GFRA1: variants seen among roughly 807,000 people sequenced by gnomAD.
The protein encoded by GFRA1 is GDNF family receptor alpha 1.
A neutral mutation model predicts 51.6 loss-of-function variants in GFRA1; 16 were observed. The ratio of observed to expected loss-of-function variants is 0.31; its 90% confidence interval spans 0.21 to 0.47. The LOEUF (loss-of-function observed/expected upper bound fraction) is 0.47, where lower values mean the gene tolerates loss of function less well. GFRA1 is among the 20% of genes least tolerant of loss of function. GFRA1 has a pLI of 1.00. For missense variants in GFRA1, 530 were observed against 594.3 expected (o/e 0.89, Z 1.13); for synonymous variants, 270 against 241.3 (o/e 1.12, Z -1.10).
At chr10:116,196,855 T>TC (rs1179792045) in intron 5 of GFRA1, among the ~76,000 whole-genome samples, 5 of 141,832 alleles carry the variant, frequency 3.5e-5, no homozygotes, top group South Asian at 2.2e-4. Context: ...ATATTTTTTT[T>TC]CCCTCCCACA....
At chr10:116,149,408 G>A (rs1958970242) in intron 5 of GFRA1, among the ~76,000 whole-genome samples, 1 of 152,136 alleles carries the variant, frequency 6.6e-6, no homozygotes, top group African/African-American at 2.4e-5. Context: ...ATACAATTTG[G>A]ATTTGCATTT....
chr10:116,248,767 A>G (rs1020252330), intron 4 of GFRA1, among the ~76,000 whole-genome samples: 1 of 152,192 alleles, frequency 6.6e-6, no homozygotes, highest in African/African-American at 2.4e-5. Flanking sequence ...TTTGAAAAGC[A>G]GCGAATTAAA....
chr10:116,205,335 T>G (rs184735495), intron 5 of GFRA1, among the ~76,000 whole-genome samples: 300 of 152,156 alleles, frequency 2.0e-3, no homozygotes, highest in African/African-American at 6.9e-3. Context: ...CCCAACACTT[T>G]AGGAGGCCAA....
Position 116,058,400 on chromosome 10 carries a change from C to T in GFRA1, c.*5998G>A, listed in dbSNP as rs1954653762. ...GGCCGGTACCTGACAGCTGTGACTTCCCCGCCGCTGTGCCTACCTGGCCAA... is the reference window on the plus strand; with the variant it reads ...GGCCGGTACCTGACAGCTGTGACTTTCCCGCCGCTGTGCCTACCTGGCCAA... On this transcript the variant is annotated 3_prime_UTR_variant, in exon 11 of 11. Transcript: ENST00000355422. 6.6e-6 allele frequency: 1 copy of T among 152,480 alleles called. No individual in the cohort carries two copies. The highest frequency in any genetic ancestry group is 1.5e-5 in the Non-Finnish European group (1 of 68,178). 9.4% of individuals were successfully genotyped at this position (152,480 alleles called of 1,614,324 possible).
intron 5 of GFRA1, among the ~76,000 whole-genome samples, chr10:116,193,606 T>C (rs1963458417): frequency 1.3e-5 from 2 of 152,172 alleles, no homozygotes; most frequent in South Asian, 4.1e-4. Flanking sequence ...TTCTGTGTCC[T>C]GTTACCTGAG....
chr10:116,255,731 C>T, intron 4 of GFRA1: 1 of 1,289,178 alleles, frequency 7.8e-7, no homozygotes, highest in African/African-American at 1.5e-5. Context: ...CTCCTTCTCC[C>T]CTTCTTTACA....
At chr10:116,209,924 G>C (rs1438253449) in intron 5 of GFRA1, among the ~76,000 whole-genome samples, 2 of 152,096 alleles carry the variant, frequency 1.3e-5, no homozygotes, top group African/African-American at 4.8e-5. Context: ...AGCAAGTTCA[G>C]TTCCTTCCAT....
chr10:116,255,809 C>T (rs1968793340), intron 4 of GFRA1: 3 of 1,220,530 alleles, frequency 2.5e-6, no homozygotes, highest in East Asian at 5.8e-5. Flanking sequence ...CCCTGGCACA[C>T]AGTCAGTTCG....
chr10:116,265,778 A>ACATCCTCTTGCAC (rs1969607537), intron 4 of GFRA1, among the ~76,000 whole-genome samples: 1 of 151,964 alleles, frequency 6.6e-6, no homozygotes, highest in Non-Finnish European at 1.5e-5. Context: ...CTCTCCTCCG[A>ACATCCTCTTGCAC]CATCCTCTTG....
chr10:116,093,854 A>C lies in GFRA1; in HGVS notation c.881-18T>G, dbSNP rs531244202. On this transcript the variant is annotated intron_variant, in intron 7 of 10. Transcript: ENST00000355422. Reference sequence around the variant, plus strand: ...GACTGTGCCTAAAAGAATAAAAACAAGGCATTTTATTGTTGTATGATGATA... The same window carrying C: ...GACTGTGCCTAAAAGAATAAAAACACGGCATTTTATTGTTGTATGATGATA... 1.5e-5 allele frequency: 25 copies of C among 1,613,142 alleles called. No individual in the cohort carries two copies. In the African/African-American group the frequency reaches 2.7e-4, roughly 17 times the overall value.
intron 5 of GFRA1, among the ~76,000 whole-genome samples, 192 bp downstream of exon 5, chr10:116,211,439 A>C (rs1965186495): frequency 6.6e-6 from 1 of 152,202 alleles, no homozygotes; most frequent in Admixed American, 6.5e-5. Context: ...CAGAGGAAGA[A>C]GCAGAGGTTG....
chr10:116,062,775 C>A lies in GFRA1; in HGVS notation c.*1623G>T, dbSNP rs910731288. 8 of 152,160 alleles carry A rather than the reference C, an allele frequency of 5.3e-5. No homozygotes were observed. The highest frequency in any genetic ancestry group is 2.9e-5 in the Non-Finnish European group (2 of 68,030). The allele number at this position is 152,160 out of a possible 1,614,324, so 9.4% of individuals were successfully genotyped here. ...AGATTCGGAATCTCGCCATCTAAAC[C>A]AGACTTCAAAAGTGCACTTTCGGGT... On this transcript the variant is annotated 3_prime_UTR_variant, in exon 11 of 11. Coordinates refer to ENST00000355422, the MANE Select transcript of GFRA1 (RefSeq NM_005264.8).
chr10:116,267,209 A>G (rs1419032123), intron 4 of GFRA1, among the ~76,000 whole-genome samples: 1 of 152,134 alleles, frequency 6.6e-6, no homozygotes, highest in Non-Finnish European at 1.5e-5. Context: ...TCACACCTGT[A>G]ATCCCAGCAG....
chr10:116,067,734 G>T (rs575963805), intron 9 of GFRA1, among the ~76,000 whole-genome samples: 1 of 152,242 alleles, frequency 6.6e-6, no homozygotes, highest in Admixed American at 6.5e-5. Flanking sequence ...GCCTGCATAG[G>T]TAGATTTCTG....
At chr10:116,108,925 T>C (rs552542535) in intron 6 of GFRA1, among the ~76,000 whole-genome samples, 51 of 152,334 alleles carry the variant, frequency 3.3e-4, no homozygotes, top group African/African-American at 1.1e-3. Context: ...CTGACTGCCA[T>C]AGAGTAAGGC....
chr10:116,146,768 C>G (rs1197495806), intron 5 of GFRA1, among the ~76,000 whole-genome samples: 1 of 152,216 alleles, frequency 6.6e-6, no homozygotes, highest in African/African-American at 2.4e-5. Flanking sequence ...TCCTGCTGGA[C>G]AGAAGGGAAC....
At chr10:116,124,708 C>T (rs926053180) in intron 6 of GFRA1, among the ~76,000 whole-genome samples, 1 of 152,168 alleles carries the variant, frequency 6.6e-6, no homozygotes, top group African/African-American at 2.4e-5. Flanking sequence ...AAGGTGACCT[C>T]TTCACAGCGA....
At chr10:116,111,910 G>A (rs569579703) in intron 6 of GFRA1, among the ~76,000 whole-genome samples, 68 of 152,322 alleles carry the variant, frequency 4.5e-4, no homozygotes, top group African/African-American at 1.6e-3. Flanking sequence ...CACAGCACCG[G>A]TGACTGTCCC....
intron 6 of GFRA1, among the ~76,000 whole-genome samples, chr10:116,106,678 G>A (rs992832226): frequency 2.6e-5 from 4 of 151,986 alleles, no homozygotes; most frequent in African/African-American, 7.2e-5. Flanking sequence ...GTCTGCATGA[G>A]GAATACTTTC....
Sources: allele counts gnomAD v4.1 joint callset (sites outside exome capture counted in the v4.1 genomes callset), GRCh38; gene constraint gnomAD v4.1.1; transcripts MANE v1.5; gene names NCBI Gene and HGNC (gene_info 2026-07-23, HGNC 2026-07-21).